PZP: variants seen among roughly 807,000 people sequenced by gnomAD.
The protein encoded by PZP is pregnancy zone protein.
PZP carries 150 observed loss-of-function variants against 179.8 expected under a neutral mutation model. The observed-to-expected ratio is 0.83, with a 90% CI of 0.73 to 0.96. PZP has a LOEUF of 0.96. PZP is among the 40% of genes least tolerant of loss of function. The pLI is 0.00. For missense variants in PZP, 1,689 were observed against 1,764.0 expected (o/e 0.96, Z 0.76); for synonymous variants, 624 against 652.3 (o/e 0.96, Z 0.66).
chr12:9,182,162 A>AAATGGTCATAAGTGAGACAG, intron 13 of PZP, 45 bp from the exon 14 acceptor site: 1 of 1,545,256 alleles, frequency 6.5e-7, no homozygotes, highest in Non-Finnish European at 8.8e-7. Flanking sequence ...AAGTGAGACA[A>AAATGGTCATAAGTGAGACAG]AAAGGTCATA....
intron 20 of PZP, 79 bp downstream of exon 20, chr12:9,164,052 AAG>A (rs1941408419): frequency 2.0e-6 from 3 of 1,474,942 alleles, no homozygotes; most frequent in South Asian, 2.5e-5. Flanking sequence ...TGGCAAATAA[AAG>A]AGAGAATATG....
intron 1 of PZP, among the ~76,000 whole-genome samples, chr12:9,205,968 A>G (rs778132758): frequency 1.6e-4 from 25 of 152,290 alleles, no homozygotes; most frequent in African/African-American, 5.8e-4. Context: ...ACTATATGCC[A>G]TGAATCTCCA....
chr12:9,180,921 G>C, intron 15 of PZP, 62 bp downstream of exon 15: 1 of 1,543,068 alleles, frequency 6.5e-7, no homozygotes, highest in Non-Finnish European at 8.7e-7. Context: ...GGCTAATAGA[G>C]GCTTCTTGAT....
intron 10 of PZP, among the ~76,000 whole-genome samples, chr12:9,195,697 T>TC (rs1451015646): frequency 7.0e-6 from 1 of 142,276 alleles, no homozygotes; most frequent in Non-Finnish European, 1.5e-5. Context: ...CAGGCGATCC[T>TC]CCCCCCTTGG....
chr12:9,166,717 T>C (rs987553856), intron 17 of PZP, among the ~76,000 whole-genome samples: 1 of 152,218 alleles, frequency 6.6e-6, no homozygotes, highest in East Asian at 1.9e-4. Context: ...GGAAATAAGA[T>C]TAGAGCATTA....
intron 23 of PZP, 55 bp downstream of exon 23, chr12:9,160,978 A>C (rs1382021649): frequency 5.3e-6 from 7 of 1,326,728 alleles, no homozygotes; most frequent in Non-Finnish European, 7.6e-6. Flanking sequence ...TACGTAGATA[A>C]GATGTACAGT....
At chr12:9,158,698 G>A in intron 25 of PZP, 122 bp from the exon 26 acceptor site, 1 of 885,318 alleles carries the variant, frequency 1.1e-6, no homozygotes, top group Non-Finnish European at 1.6e-6. Context: ...CTGTTACTGA[G>A]AGTTTGGAGA....
chr12:9,172,986 A>T lies in PZP; in HGVS notation c.1840-3395T>A, dbSNP rs771697174. Among the ~76,000 whole-genome samples the T allele has an allele frequency of 1.4e-4, 21 of 152,366 alleles. No homozygotes were observed. In the South Asian group the frequency reaches 4.3e-3, roughly 32 times the overall value. On this transcript the variant is annotated intron_variant, in intron 15 of 35. Coordinates refer to ENST00000261336, the MANE Select transcript of PZP (RefSeq NM_002864.3). ...TCTGGATCAAGTGGACCTGATTGAT[A>T]TCTACAGAACTCTCCACCAAAATTC...
At chr12:9,199,730 C>T (rs1316485639) in intron 7 of PZP, among the ~76,000 whole-genome samples, 1 of 151,740 alleles carries the variant, frequency 6.6e-6, no homozygotes, top group Non-Finnish European at 1.5e-5. Flanking sequence ...AATATTAGAG[C>T]AAAAAAACTA....
intron 13 of PZP, among the ~76,000 whole-genome samples, chr12:9,184,719 C>G (rs1224779599): frequency 6.6e-6 from 1 of 152,230 alleles, no homozygotes; most frequent in Non-Finnish European, 1.5e-5. Flanking sequence ...GCAACATGTT[C>G]TTAACCTCAA....
chr12:9,152,148 T>G, intron 32 of PZP, 72 bp downstream of exon 32: 6 of 1,101,334 alleles, frequency 5.4e-6, no homozygotes, highest in Non-Finnish European at 8.3e-6. Context: ...GGTTTTGATA[T>G]TGGTATGGTC....
intron 24 of PZP, 63 bp from the exon 25 acceptor site, chr12:9,160,088 T>C (rs1284467919): frequency 6.8e-7 from 1 of 1,464,216 alleles, no homozygotes; most frequent in East Asian, 2.3e-5. Context: ...TCCATATGTT[T>C]AGGCTCATGC....
intron 19 of PZP, among the ~76,000 whole-genome samples, chr12:9,164,771 T>G (rs934190552): frequency 1.3e-5 from 2 of 152,160 alleles, no homozygotes; most frequent in African/African-American, 2.4e-5. Flanking sequence ...TAAATTAAAA[T>G]TATATATTTT....
intron 13 of PZP, among the ~76,000 whole-genome samples, chr12:9,184,132 C>T (rs1210177973): frequency 6.6e-6 from 1 of 152,216 alleles, no homozygotes; most frequent in African/African-American, 2.4e-5. Context: ...AATTTGCCAA[C>T]ACATGTGTGT....
At chr12:9,157,050 T>A in intron 28 of PZP, 125 bp downstream of exon 28, 1 of 818,954 alleles carries the variant, frequency 1.2e-6, no homozygotes, top group Admixed American at 2.8e-5. Context: ...AGGTCCCCCA[T>A]GCATTAGCTA....
chr12:9,149,002 G>T lies in PZP; in HGVS notation c.4427-8C>A. On this transcript the variant is annotated splice_region_variant and splice_polypyrimidine_tract_variant and intron_variant, in intron 35 of 35. Transcript: ENST00000261336. Reference sequence around the variant, plus strand: ...CATTTCCATGCTCTGTATCTATGGAGAAAAGAAAAACGTAAGGAGGTTGTA... The same window carrying T: ...CATTTCCATGCTCTGTATCTATGGATAAAAGAAAAACGTAAGGAGGTTGTA... The T allele has an allele frequency of 6.2e-7, 1 of 1,610,702 alleles. No homozygotes were observed. The highest frequency in any genetic ancestry group is 8.5e-7 in the Non-Finnish European group (1 of 1,177,012).
intron 13 of PZP, 71 bp from the exon 14 acceptor site, chr12:9,182,188 G>C (rs981286627): frequency 7.3e-6 from 2 of 272,290 alleles, no homozygotes; most frequent in East Asian, 1.2e-4. Context: ...AGTGTCATAA[G>C]GACACTATTG....
intron 8 of PZP, 29 bp downstream of exon 8, chr12:9,196,983 A>T: frequency 6.9e-7 from 1 of 1,447,470 alleles, no homozygotes; most frequent in South Asian, 1.1e-5. Flanking sequence ...AAACAGTGAT[A>T]GCACTGAGGG....
At chr12:9,189,859 G>T (rs1410130518) in intron 13 of PZP, among the ~76,000 whole-genome samples, 1 of 152,100 alleles carries the variant, frequency 6.6e-6, no homozygotes, top group Non-Finnish European at 1.5e-5. Flanking sequence ...TTCAAAAGAA[G>T]ATATACATGT....
Sources: allele counts gnomAD v4.1 joint callset (sites outside exome capture counted in the v4.1 genomes callset), GRCh38; gene constraint gnomAD v4.1.1; transcripts MANE v1.5; gene names NCBI Gene and HGNC (gene_info 2026-07-23, HGNC 2026-07-21).